The following CYB5R1 variants were observed in gnomAD, a reference collection of about 807,000 sequenced individuals.
CYB5R1 encodes the protein cytochrome b5 reductase 1.
Under a neutral mutation model 37.4 loss-of-function variants are expected in CYB5R1, and 32 were observed. The ratio of observed to expected loss-of-function variants is 0.86; its 90% CI spans 0.65 to 1.15. The LOEUF (loss-of-function observed/expected upper bound fraction) is 1.15, where lower values mean the gene tolerates loss of function less well. Ranked by LOEUF, CYB5R1 falls within the 50% of genes most tolerant of loss-of-function variation. The probability of loss-of-function intolerance (pLI) is 0.00; values close to 1 mark genes in which losing one functional copy is unlikely to be tolerated. For missense variants in CYB5R1, 345 were observed against 382.5 expected, an observed-to-expected ratio of 0.90 and a Z score of 0.82; for synonymous variants, 159 against 155.2, an observed-to-expected ratio of 1.02 and a Z score of -0.18.
At chr1:202,963,444 T>C in intron 7 of CYB5R1, 198 bp downstream of exon 7, 1 of 595,640 alleles carries the variant, frequency 1.7e-6, no homozygotes, top group Non-Finnish European at 3.0e-6. Context: ...TCTTCTTTCC[T>C]TGGGGACCAG....
intron 6 of CYB5R1, chr1:202,964,100 C>A: frequency 5.1e-6 from 1 of 195,632 alleles, no homozygotes; most frequent in Admixed American, 5.8e-5. Flanking sequence ...CTAGGCAGAG[C>A]CAAATACTAA....
chr1:202,964,916 A>G (rs2363768), intron 5 of CYB5R1: 53,636 of 559,056 alleles, frequency 0.096, 6,346 homozygotes, highest in East Asian at 0.43. Flanking sequence ...GCGCCACACA[A>G]TGTATCAGCT....
At chr1:202,966,057 C>T (rs1239909075) in intron 3 of CYB5R1, 64 bp from the exon 4 acceptor site, 3 of 1,082,394 alleles carry the variant, frequency 2.8e-6, no homozygotes, top group Non-Finnish European at 4.2e-6. Flanking sequence ...TCAAAATACT[C>T]AAAGAGATTT....
In CYB5R1 at chr1:202,966,813, C is replaced by T. The variant is rs565157209; in HGVS notation, c.101G>A (p.Arg34His). ...GTCCAGGAGAGTGACCTGAGGCCGG[C>T]GGGACCTCCGAACCAAGTAGGAGCC... ...AVGSYLVRRS[R>H]RPQVTLLDPN... The change falls in exon 2 of 9, where the codon CGC becomes CAC. Residue 34 changes from arginine to histidine, a missense_variant. Arg to His is a conservative substitution (Grantham distance 29). Coordinates refer to ENST00000367249, the MANE Select transcript of CYB5R1 (RefSeq NM_016243.3). 6.2e-7 allele frequency: 1 copy of T among 1,614,096 alleles called. No homozygotes were observed. The highest frequency in any genetic ancestry group is 1.7e-5 in the Admixed American group (1 of 60,030).
At position 202,966,506 on chromosome 1, in the gene CYB5R1, G is replaced by C. The variant is rs759563714; in HGVS notation, c.238+22C>G. 2.5e-6 allele frequency: 4 copies of C among 1,611,886 alleles called. 1 individual carries two copies. Among genetic ancestry groups the C allele is most frequent in the Middle Eastern group, 1.7e-4 (1 of 6,058 alleles). ...CCTTCTGAGGATACCAGGGAAAGGA[G>C]CCCATTCCACACTTTCCTTACCCAC... On this transcript the variant is annotated intron_variant, in intron 3 of 8. Transcript: ENST00000367249.
At position 202,962,496 on chromosome 1, in the gene CYB5R1, A is replaced by G; in HGVS notation, c.*31T>C. 6.4e-7 allele frequency: 1 copy of G among 1,571,526 alleles called. No individual in the cohort carries two copies. The highest frequency in any genetic ancestry group is 8.6e-7 in the Non-Finnish European group (1 of 1,158,498). ...TTGAGTACTGATGGGGAACAACTGC[A>G]GCGAACAGCACCAGGGAAGCTGGAG... On this transcript the variant is annotated 3_prime_UTR_variant, in exon 9 of 9. Coordinates refer to ENST00000367249, the MANE Select transcript of CYB5R1 (RefSeq NM_016243.3).
chr1:202,963,590 C>G (rs1464610550), intron 7 of CYB5R1, 52 bp downstream of exon 7: 107 of 1,387,222 alleles, frequency 7.7e-5, no homozygotes, highest in Non-Finnish European at 1.5e-5. Context: ...CGTCTCTCAG[C>G]CCTACCCACA....
chr1:202,966,283 G>A lies in CYB5R1; in HGVS notation c.238+245C>T. ...AGTTAGTAGTGCTTGCTCAGAGGGA[G>A]TAATTAGCAAATCCTGCAGGGAAGA... On this transcript the variant is annotated intron_variant, in intron 3 of 8. Transcript: ENST00000367249. The A allele has an allele frequency of 5.0e-6, 3 of 602,346 alleles. No homozygotes were observed. In the South Asian group the frequency reaches 6.0e-5, roughly 12 times the overall value. 37.3% of individuals were successfully genotyped at this position (602,346 alleles called of 1,614,324 possible).
intron 5 of CYB5R1, 85 bp from the exon 6 acceptor site, chr1:202,964,780 T>C (rs1655053964): frequency 3.2e-6 from 3 of 937,160 alleles, no homozygotes; most frequent in Non-Finnish European, 5.3e-6. Flanking sequence ...AAAATATGCC[T>C]GAGGCCAGTT....
In CYB5R1 at chr1:202,964,050, A is replaced by G. The variant is rs192983753; in HGVS notation, c.560-323T>C. The G allele has an allele frequency of 3.3e-5, 8 of 243,036 alleles. No individual in the cohort carries two copies. The Admixed American group carries it at 3.8e-4, about 12-fold the overall frequency. The allele number at this position is 243,036 out of a possible 1,614,324, so 15.1% of individuals were successfully genotyped here. ...CCGGATTCAATGATGAGGGTTCTAG[A>G]ACACTGTATTTGCAGAGGTTAAGTG... On this transcript the variant is annotated intron_variant, in intron 6 of 8. Coordinates refer to ENST00000367249, the MANE Select transcript of CYB5R1 (RefSeq NM_016243.3).
Position 202,963,143 on chromosome 1 carries a change from C to T in CYB5R1, c.668G>A (p.Arg223Gln), listed in dbSNP as rs757619233. 19 of 1,613,934 alleles carry T rather than the reference C, an allele frequency of 1.2e-5. No individual in the cohort carries two copies. Among genetic ancestry groups the T allele is most frequent in the East Asian group, 2.2e-5 (1 of 44,874 alleles). Reference sequence around the variant, plus strand: ...GGCCTGCAGTTCCTCTAAGTCCTCCCGCAAGATGATATCCTTTTCTGTCTG... The same window carrying T: ...GGCCTGCAGTTCCTCTAAGTCCTCCTGCAAGATGATATCCTTTTCTGTCTG... ...ANQTEKDIIL[R>Q]EDLEELQARY... The change falls in exon 8 of 9, where the codon CGG becomes CAG. Residue 223 changes from arginine (R) to glutamine (Q), a missense_variant. Coordinates refer to ENST00000367249, the MANE Select transcript of CYB5R1 (RefSeq NM_016243.3).
intron 3 of CYB5R1, 59 bp downstream of exon 3, chr1:202,966,469 G>C: frequency 6.3e-7 from 1 of 1,575,254 alleles, no homozygotes; most frequent in South Asian, 1.1e-5. Flanking sequence ...TGAGATCCCA[G>C]GAGGGGAGTC....
rs1157478201 is a variant in CYB5R1, at chr1:202,963,115, G to C, written c.696C>G (p.Arg232=). Residue 232 remains arginine, a synonymous_variant, in exon 8 of 9, where the codon CGC becomes CGG. Transcript: ENST00000367249. ...LREDLEELQA[R]YPNRFKLWFT... is the part of the protein sequence containing the mutation. Reference sequence around the variant, plus strand: ...ACCAGAGCTTAAAGCGATTGGGATAGCGGGCCTGCAGTTCCTCTAAGTCCT... The same window carrying C: ...ACCAGAGCTTAAAGCGATTGGGATACCGGGCCTGCAGTTCCTCTAAGTCCT... The C allele has an allele frequency of 6.2e-7, 1 of 1,614,110 alleles. No homozygotes were observed. The highest frequency in any genetic ancestry group is 1.3e-5 in the African/African-American group (1 of 74,936).
At position 202,966,903 on chromosome 1, in the gene CYB5R1, G is replaced by C; in HGVS notation, c.16-5C>G. 6.2e-7 allele frequency: 1 copy of C among 1,601,210 alleles called. No homozygotes were observed. Among genetic ancestry groups the C allele is most frequent in the Non-Finnish European group, 8.5e-7 (1 of 1,174,046 alleles). On this transcript the variant is annotated splice_polypyrimidine_tract_variant and splice_region_variant and intron_variant, in intron 1 of 8. Transcript: ENST00000367249. ...GGAGGCCAGCAGGACGGGGCTCTGT[G>C]GGTAGAGGAGGCAGCGTGACCGCCA...
At chr1:202,966,644 G>C in intron 2 of CYB5R1, 44 bp from the exon 3 acceptor site, 1 of 1,613,782 alleles carries the variant, frequency 6.2e-7, no homozygotes, top group Non-Finnish European at 8.5e-7. Flanking sequence ...CGCGCCTGGC[G>C]CTGCCACGTC....
At chr1:202,963,256 G>A in intron 7 of CYB5R1, 91 bp from the exon 8 acceptor site, 1 of 896,828 alleles carries the variant, frequency 1.1e-6, no homozygotes, top group Non-Finnish European at 1.7e-6. Flanking sequence ...CTAAGAAAAA[G>A]AATGTTAAGG....
chr1:202,964,539 C>G, intron 6 of CYB5R1, 73 bp downstream of exon 6: 1 of 1,178,708 alleles, frequency 8.5e-7, no homozygotes. Flanking sequence ...TACCAGTCTT[C>G]AGAGGGTCAC....
intron 1 of CYB5R1, 69 bp from the exon 2 acceptor site, chr1:202,966,967 C>A (rs1655110871): frequency 1.3e-6 from 2 of 1,508,440 alleles, no homozygotes; most frequent in Admixed American, 2.2e-5. Context: ...GTGACCGTCC[C>A]AGGGGTGGCG....
intron 3 of CYB5R1, chr1:202,966,240 G>A: frequency 1.7e-6 from 1 of 595,718 alleles, no homozygotes; most frequent in Non-Finnish European, 3.0e-6. Context: ...AGCCAAAAGG[G>A]TCTGGGCAAT....
Sources: allele counts gnomAD v4.1 joint callset, GRCh38; gene constraint gnomAD v4.1.1; transcripts MANE v1.5; gene names NCBI Gene and HGNC (gene_info 2026-07-23, HGNC 2026-07-21).